ALDH8A1: variants seen among roughly 807,000 people sequenced by gnomAD.
ALDH8A1 encodes the protein 2-aminomuconic semialdehyde dehydrogenase.
A neutral mutation model predicts 43.3 loss-of-function variants in ALDH8A1; 39 were observed. The observed-to-expected ratio is 0.90, with a 90% CI of 0.70 to 1.18. ALDH8A1 has a LOEUF of 1.18. ALDH8A1 is among the 50% of genes most tolerant of loss of function. The pLI, the probability that ALDH8A1 is intolerant of heterozygous loss-of-function variation, is 0.00. For missense variants in ALDH8A1, 605 were observed against 622.6 expected (o/e 0.97, Z 0.30); for synonymous variants, 233 against 243.5 (o/e 0.96, Z 0.40).
chr6:134,928,815 C>G (rs1014902806), intron 6 of ALDH8A1, among the ~76,000 whole-genome samples: 1 of 152,232 alleles, frequency 6.6e-6, no homozygotes, highest in African/African-American at 2.4e-5. Context: ...CTGGTGGTAT[C>G]TCCATGCTGA....
chr6:134,935,416 G>A (rs1262511871), intron 4 of ALDH8A1, among the ~76,000 whole-genome samples: 1 of 152,240 alleles, frequency 6.6e-6, no homozygotes, highest in Non-Finnish European at 1.5e-5. Context: ...TGACTGTTAA[G>A]TAAATGAATG....
At chr6:134,940,621 G>A (rs372482245) in intron 3 of ALDH8A1, among the ~76,000 whole-genome samples, 8 of 152,276 alleles carry the variant, frequency 5.3e-5, no homozygotes, top group Admixed American at 2.6e-4. Context: ...TTTGCTGGAT[G>A]AGTAACGTAA....
At chr6:134,939,447 A>T in intron 3 of ALDH8A1, 32 bp from the exon 4 acceptor site, 1 of 1,607,530 alleles carries the variant, frequency 6.2e-7, no homozygotes, top group Non-Finnish European at 8.5e-7. Flanking sequence ...ACTGCCTGTG[A>T]CGGCATACCC....
At position 134,949,956 on chromosome 6, in the gene ALDH8A1, C is replaced by G. The variant is rs1165504235; in HGVS notation, c.98G>C (p.Gly33Ala). 6.2e-7 allele frequency: 1 copy of G among 1,612,040 alleles called. No homozygotes were observed. Among genetic ancestry groups the G allele is most frequent in the South Asian group, 1.1e-5 (1 of 90,376 alleles). The change falls in exon 1 of 7, where the codon GGG becomes GCG. Residue 33 changes from glycine (G) to alanine (A), a missense_variant. By Grantham distance (60) the Gly-to-Ala change is moderately conservative. Coordinates refer to ENST00000265605, the MANE Select transcript of ALDH8A1 (RefSeq NM_022568.4). ...ATTTGGCACTCTGCAATACACTTCCCCTGTTGATGGGTCGTAAGAATCTAT... is the reference window on the plus strand; with the variant it reads ...ATTTGGCACTCTGCAATACACTTCCGCTGTTGATGGGTCGTAAGAATCTAT... ...SYIDSYDPST[G>A]EVYCRVPNSG...
At chr6:134,939,792 C>A (rs1454607396) in intron 3 of ALDH8A1, among the ~76,000 whole-genome samples, 2 of 152,122 alleles carry the variant, frequency 1.3e-5, no homozygotes, top group Admixed American at 1.3e-4. Context: ...TTGCTATTCA[C>A]AATAGCAATA....
intron 6 of ALDH8A1, among the ~76,000 whole-genome samples, chr6:134,927,179 A>G (rs1313703151): frequency 1.3e-5 from 2 of 152,230 alleles, no homozygotes; most frequent in African/African-American, 4.8e-5. Context: ...GTTGCATTTC[A>G]TGAACACATA....
intron 6 of ALDH8A1, among the ~76,000 whole-genome samples, chr6:134,927,414 ATAT>A (rs886730299): frequency 1.3e-5 from 2 of 152,154 alleles, no homozygotes; most frequent in African/African-American, 4.8e-5. Flanking sequence ...TTGAAGACAA[ATAT>A]TTAGAGTATC....
At chr6:134,938,274 C>T (rs1773784989) in intron 4 of ALDH8A1, among the ~76,000 whole-genome samples, 1 of 152,224 alleles carries the variant, frequency 6.6e-6, no homozygotes, top group Non-Finnish European at 1.5e-5. Context: ...GGACTTCTCA[C>T]AGGAGGGCTG....
In ALDH8A1 at chr6:134,929,279, A is replaced by C. The variant is rs1776940977; in HGVS notation, c.850-64T>G. The C allele has an allele frequency of 1.1e-5, 17 of 1,547,904 alleles. 1 individual carries two copies. In the South Asian group the frequency reaches 2.1e-4, roughly 19 times the overall value. ...CTCCTTCATGGATAGAGCACCCTGC[A>C]CTTTTGAGTACCTGCCATGTATCAG... On this transcript the variant is annotated intron_variant, in intron 5 of 6. Transcript: ENST00000265605.
chr6:134,950,084 C>T lies in ALDH8A1; in HGVS notation c.-31G>A, dbSNP rs372772357. 21 of 1,580,492 alleles carry T rather than the reference C, an allele frequency of 1.3e-5. No individual in the cohort carries two copies. Among genetic ancestry groups the T allele is most frequent in the South Asian group, 3.6e-5 (3 of 83,860 alleles). On this transcript the variant is annotated 5_prime_UTR_variant, in exon 1 of 7. Transcript: ENST00000265605. ...GGAAAAATTCTGCCTTTCCTCTTTA[C>T]GACTGAGCACTCAGGTTGTCCCCAC...
chr6:134,938,917 G>T (rs1287285966), intron 4 of ALDH8A1, among the ~76,000 whole-genome samples: 4 of 152,156 alleles, frequency 2.6e-5, no homozygotes, highest in Admixed American at 1.3e-4. Flanking sequence ...AAAGTGCTGG[G>T]ATTACAGGCG....
rs369657445 is a variant in ALDH8A1 at position 134,942,476 on chromosome 6, C to T, written c.375G>A (p.Thr125=). 1.9e-5 allele frequency: 30 copies of T among 1,614,058 alleles called. No homozygotes were observed. Among genetic ancestry groups the T allele is most frequent in the East Asian group, 1.8e-4 (8 of 44,894 alleles). ...RFFASSSLHH[T]SECTQMDHLG... is the part of the protein sequence containing the mutation. ...GGTGGTCCATCTGCGTGCACTCTGA[C>T]GTGTGGTGCAGGCTGGAGGAAGCGA... The change falls in exon 3 of 7, where the codon ACG becomes ACA. Residue 125 remains threonine, a synonymous_variant. Coordinates refer to ENST00000265605, the MANE Select transcript of ALDH8A1 (RefSeq NM_022568.4).
intron 4 of ALDH8A1, among the ~76,000 whole-genome samples, chr6:134,938,717 G>A (rs536724032): frequency 2.0e-5 from 3 of 151,988 alleles, no homozygotes; most frequent in Admixed American, 1.3e-4. Flanking sequence ...GTGCAATCTC[G>A]GCTCACTGCA....
At chr6:134,938,461 T>C (rs1047202027) in intron 4 of ALDH8A1, among the ~76,000 whole-genome samples, 12 of 152,164 alleles carry the variant, frequency 7.9e-5, no homozygotes, top group African/African-American at 2.9e-4. Flanking sequence ...TTGTATTAGC[T>C]TTCCAGTAGC....
chr6:134,943,818 C>T lies in ALDH8A1; in HGVS notation c.286+1G>A, dbSNP rs1773903039. ...TGTTACAGTTAAGAGGCAACTCTCA[C>T]CTTGGTCTTTAGACTCGGCCTGGGC... On this transcript the variant is annotated splice_donor_variant, in intron 2 of 6. Transcript: ENST00000265605. LOFTEE classifies it high-confidence loss of function. 1 of 1,613,798 alleles carries T rather than the reference C, an allele frequency of 6.2e-7. No homozygotes were observed.
intron 6 of ALDH8A1, among the ~76,000 whole-genome samples, chr6:134,921,047 G>C (rs1281872271): frequency 6.6e-6 from 1 of 152,176 alleles, no homozygotes; most frequent in Non-Finnish European, 1.5e-5. Flanking sequence ...AAAAGATTTA[G>C]CATGACGCCT....
intron 2 of ALDH8A1, 51 bp downstream of exon 2, chr6:134,943,768 A>G: frequency 1.9e-6 from 3 of 1,595,400 alleles, no homozygotes; most frequent in Non-Finnish European, 2.6e-6. Context: ...GATAACATGA[A>G]TAATCAGAGA....
At position 134,937,490 on chromosome 6, in the gene ALDH8A1, T is replaced by C. The variant is rs1365527941; in HGVS notation, c.592+1776A>G. ...GAAGGGCTGTCTTAGTTTAATGGGC[T>C]TACTAGTTCCCAAGAAATAAAATCA... On this transcript the variant is annotated intron_variant, in intron 4 of 6. Transcript: ENST00000265605. Among the ~76,000 whole-genome samples the C allele has an allele frequency of 2.0e-5, 3 of 152,290 alleles. No individual in the cohort carries two copies. The South Asian group carries it at 6.2e-4, about 32-fold the overall frequency.
intron 6 of ALDH8A1, among the ~76,000 whole-genome samples, chr6:134,920,910 A>C (rs1213606905): frequency 6.6e-6 from 1 of 152,212 alleles, no homozygotes; most frequent in East Asian, 1.9e-4. Flanking sequence ...TTCAAATCCC[A>C]GTTCACCCAT....
Sources: allele counts gnomAD v4.1 joint callset (sites outside exome capture counted in the v4.1 genomes callset), GRCh38; gene constraint gnomAD v4.1.1; transcripts MANE v1.5; gene names NCBI Gene and HGNC (gene_info 2026-07-23, HGNC 2026-07-21).